Variants in PLIN3 observed in about 807,000 individuals in gnomAD.
PLIN3 encodes the protein perilipin 3.
PLIN3 carries 30 observed loss-of-function variants against 35.9 expected under a neutral mutation model. That is an observed-to-expected ratio of 0.84 (90% CI 0.62 to 1.13). The LOEUF (loss-of-function observed/expected upper bound fraction) is 1.13. PLIN3 is among the 50% of genes most tolerant of loss of function. PLIN3 has a pLI of 0.00. For missense variants in PLIN3, 603 were observed against 596.9 expected (o/e 1.01, Z -0.11); for synonymous variants, 261 against 262.5 (o/e 0.99, Z 0.06).
At chr19:4,865,346 G>A (rs975165640) in intron 1 of PLIN3, among the ~76,000 whole-genome samples, 1 of 151,528 alleles carries the variant, frequency 6.6e-6, no homozygotes, top group East Asian at 1.9e-4. Flanking sequence ...AAAATTAGCC[G>A]TGTATTTTGG....
intron 4 of PLIN3, among the ~76,000 whole-genome samples, chr19:4,855,675 T>C (rs2030450475): frequency 6.6e-6 from 1 of 152,068 alleles, no homozygotes; most frequent in African/African-American, 2.4e-5. Context: ...CCCAAAGTGC[T>C]GGGATTACAG....
At chr19:4,855,025 G>A (rs1006123199) in intron 4 of PLIN3, among the ~76,000 whole-genome samples, 7 of 151,258 alleles carry the variant, frequency 4.6e-5, no homozygotes, top group Non-Finnish European at 7.4e-5. Flanking sequence ...CAAGGCAGCT[G>A]GATCACCTGA....
chr19:4,865,980 C>T (rs2030841222), intron 1 of PLIN3, among the ~76,000 whole-genome samples: 1 of 151,080 alleles, frequency 6.6e-6, no homozygotes, highest in Non-Finnish European at 1.5e-5. Context: ...GCCTCGGCCT[C>T]CGAAAATGCT....
At chr19:4,844,116 C>A (rs182769268) in intron 7 of PLIN3, among the ~76,000 whole-genome samples, 19 of 152,124 alleles carry the variant, frequency 1.2e-4, no homozygotes, top group African/African-American at 4.3e-4. Context: ...TTAGAGAACA[C>A]AAGAGGCCAA....
rs374101106 is a variant in PLIN3, at chr19:4,845,696, G to A, written c.835-903C>T. 9.4e-4 allele frequency among the ~76,000 whole-genome samples: 143 copies of A among 152,092 alleles called. 3 individuals are homozygous for A. The South Asian group carries it at 0.014, about 15-fold the overall frequency. On this transcript the variant is annotated intron_variant, in intron 6 of 7. Transcript: ENST00000221957. ...TCCCAGCACTTTGGGAGGCCGAGGC[G>A]GGTGGATCACGAGGTGAGGAGATCG...
chr19:4,845,599 A>T (rs1295852736), intron 6 of PLIN3, among the ~76,000 whole-genome samples: 1 of 151,936 alleles, frequency 6.6e-6, no homozygotes, highest in Non-Finnish European at 1.5e-5. Flanking sequence ...GTGACATCTC[A>T]TCTCTACATA....
At chr19:4,863,396 C>T (rs1404837391) in intron 1 of PLIN3, among the ~76,000 whole-genome samples, 1 of 149,522 alleles carries the variant, frequency 6.7e-6, no homozygotes, top group Non-Finnish European at 1.5e-5. Flanking sequence ...ATTCAGGAGG[C>T]TGAGGCAGGA....
chr19:4,863,240 G>A (rs368465948), intron 1 of PLIN3, among the ~76,000 whole-genome samples: 2 of 151,952 alleles, frequency 1.3e-5, no homozygotes, highest in East Asian at 1.9e-4. Flanking sequence ...GCTCACGCCT[G>A]TAATCCCAGC....
At chr19:4,855,654 C>T (rs186974013) in intron 4 of PLIN3, among the ~76,000 whole-genome samples, 13 of 152,136 alleles carry the variant, frequency 8.5e-5, no homozygotes, top group East Asian at 5.8e-4. Flanking sequence ...GTGATCCGCC[C>T]GCCTCGGCCT....
At chr19:4,841,604 T>TTA (rs1555732757) in intron 7 of PLIN3, among the ~76,000 whole-genome samples, 3 of 140,862 alleles carry the variant, frequency 2.1e-5, no homozygotes, top group Non-Finnish European at 3.1e-5. Flanking sequence ...ATAAAACTGT[T>TTA]AAAAAAAAAA....
Position 4,844,782 on chromosome 19 carries a change from GAC to G in PLIN3, c.844_845del (p.Val282GlnfsTer5), listed in dbSNP as rs919306155. 3 of 1,599,422 alleles carry G rather than the reference GAC, an allele frequency of 1.9e-6. No homozygotes were observed. The African/African-American group carries it at 4.0e-5, about 21-fold the overall frequency. On this transcript the variant is annotated frameshift_variant, in exon 7 of 8. Transcript: ENST00000221957. LOFTEE classifies it high-confidence loss of function. The part of the protein sequence containing the change: ...LSQVLSLMET[V>X]KQGVDQKLVE... ...CCAGCTTCTGATCAACGCCTTGCTT[GAC>G]AGTTTCCATCTGGGGCAGGGGAGAG...
chr19:4,867,422 C>G (rs2030895210), intron 1 of PLIN3, among the ~76,000 whole-genome samples, 187 bp downstream of exon 1: 1 of 152,124 alleles, frequency 6.6e-6, no homozygotes, highest in Admixed American at 6.6e-5. Flanking sequence ...GTCTGAGCTT[C>G]GTTGCAGAAG....
intron 7 of PLIN3, among the ~76,000 whole-genome samples, chr19:4,840,640 T>C (rs1010902806): frequency 3.3e-5 from 5 of 152,112 alleles, no homozygotes; most frequent in Admixed American, 1.3e-4. Context: ...TTATAAGTCA[T>C]TGAGGAAATG....
intron 1 of PLIN3, among the ~76,000 whole-genome samples, chr19:4,862,411 T>G (rs2030706856): frequency 6.6e-6 from 1 of 152,018 alleles, no homozygotes; most frequent in African/African-American, 2.4e-5. Flanking sequence ...GGATTATAGG[T>G]GTGAGCCATT....
intron 5 of PLIN3, among the ~76,000 whole-genome samples, chr19:4,849,618 T>C (rs1012206409): frequency 6.6e-6 from 1 of 151,934 alleles, no homozygotes; most frequent in Non-Finnish European, 1.5e-5. Context: ...CGTAGGTTCA[T>C]ATGTGTATAT....
At chr19:4,854,727 C>A (rs1281728322) in intron 4 of PLIN3, among the ~76,000 whole-genome samples, 1 of 152,052 alleles carries the variant, frequency 6.6e-6, no homozygotes, top group Admixed American at 6.6e-5. Flanking sequence ...ACACCACCGT[C>A]CCCCAGAACC....
chr19:4,844,733 G>A lies in PLIN3; in HGVS notation c.895C>T (p.Gln299Ter). The A allele has an allele frequency of 6.2e-7, 1 of 1,605,686 alleles. No homozygotes were observed. The highest frequency in any genetic ancestry group is 1.1e-5 in the South Asian group (1 of 89,354). ...KLVEGQEKLH[Q>*]MWLSWNQKQL... The stretch of plus-strand genomic sequence containing the variant: ...TTCTGGTTCCAGCTGAGCCACATCT[G>A]GTGCAGCTTCTCCTGGCCTTCCACC... The change falls in exon 7 of 8, where the codon CAG becomes TAG. Residue 299 changes from glutamine (Q) to a stop codon, truncating the protein, a stop_gained. Transcript: ENST00000221957. LOFTEE classifies it high-confidence loss of function.
chr19:4,845,618 A>G (rs1182396341), intron 6 of PLIN3, among the ~76,000 whole-genome samples: 1 of 151,942 alleles, frequency 6.6e-6, no homozygotes, highest in African/African-American at 2.4e-5. Flanking sequence ...TATTACATAA[A>G]GTTTAAGAGA....
At chr19:4,841,904 C>CAA (rs111932271) in intron 7 of PLIN3, among the ~76,000 whole-genome samples, 68 of 38,422 alleles carry the variant, frequency 1.8e-3, no homozygotes, top group African/African-American at 2.6e-3. Flanking sequence ...GACTCCATCT[C>CAA]AAAAAAAAAA....
Sources: allele counts gnomAD v4.1 joint callset (sites outside exome capture counted in the v4.1 genomes callset), GRCh38; gene constraint gnomAD v4.1.1; transcripts MANE v1.5; gene names NCBI Gene and HGNC (gene_info 2026-07-23, HGNC 2026-07-21).